ANKRD17: variants seen among roughly 807,000 people sequenced by gnomAD.
The protein encoded by ANKRD17 is ankyrin repeat domain-containing protein 17.
ANKRD17 carries 19 observed loss-of-function variants against 229.7 expected under a neutral mutation model. The ratio of observed to expected loss-of-function variants is 0.08; its 90% CI spans 0.06 to 0.12. The LOEUF is 0.12. Ranked by LOEUF, ANKRD17 falls within the 10% of genes least tolerant of loss-of-function variation. The pLI is 1.00. For missense variants in ANKRD17, 2,176 were observed against 3,176.8 expected (o/e 0.68, Z 7.57); for synonymous variants, 1,112 against 1,146.1 (o/e 0.97, Z 0.60).
chr4:73,132,240 G>A (rs976695261), intron 16 of ANKRD17, among the ~76,000 whole-genome samples: 9 of 151,622 alleles, frequency 5.9e-5, no homozygotes, highest in Admixed American at 2.6e-4. Context: ...TCCCAAATAG[G>A]TGGGATTACA....
chr4:73,096,885 C>A (rs1578032944), intron 27 of ANKRD17, among the ~76,000 whole-genome samples: 1 of 152,296 alleles, frequency 6.6e-6, no homozygotes, highest in East Asian at 1.9e-4. Flanking sequence ...CTGAGAAAGA[C>A]ACAATCTAAA....
Position 73,098,538 on chromosome 4 carries a change from C to T in ANKRD17, c.4574-18G>A, listed in dbSNP as rs1404056096. The T allele has an allele frequency of 1.3e-6, 2 of 1,599,774 alleles. No homozygotes were observed. The highest frequency in any genetic ancestry group is 3.5e-5 in the Admixed American group (2 of 57,514). ...AGGCTCATCTGTAAAAGTAGCAATA[C>T]TGAATTAGCAAGTTCTAAGTGTTCC... On this transcript the variant is annotated intron_variant, in intron 25 of 33. Transcript: ENST00000358602.
chr4:73,135,184 G>C lies in ANKRD17; in HGVS notation c.3167C>G (p.Thr1056Ser). Residue 1056 changes from threonine to serine, a missense_variant, in exon 16 of 34, where the codon ACT becomes AGT. Thr to Ser is a moderately conservative substitution (Grantham distance 58, BLOSUM62 1). This residue lies in a region of ANKRD17 where 230 missense variants were observed against 252.3 expected (regional missense o/e 0.91). Transcript: ENST00000358602. The stretch of plus-strand genomic sequence containing the variant: ...TGAAGGAGAGATGATAGGACTTGGA[G>C]TTGGAGTCTGAGGTTGGGAAATGGA... ...AASISQPQTP[T>S]PSPIISPSAM... 6.2e-7 allele frequency: 1 copy of C among 1,613,842 alleles called. No homozygotes were observed. The highest frequency in any genetic ancestry group is 1.1e-5 in the South Asian group (1 of 91,078).
intron 30 of ANKRD17, among the ~76,000 whole-genome samples, chr4:73,083,949 A>AC (rs1174254700): frequency 9.3e-5 from 14 of 149,826 alleles, no homozygotes; most frequent in African/African-American, 3.4e-4. Flanking sequence ...AAACAAAACA[A>AC]AAAAAAAAAA....
Position 73,078,623 on chromosome 4 carries a change from G to A in ANKRD17, c.7408+19C>T. On this transcript the variant is annotated intron_variant, in intron 31 of 33. Coordinates refer to ENST00000358602, the MANE Select transcript of ANKRD17 (RefSeq NM_032217.5). ...AATGCATTAAGTTAATTTCTAGAGA[G>A]CAGGACAGAATATCCTACCTTGATT... is the stretch of plus-strand genomic sequence containing the variant. The A allele has an allele frequency of 6.2e-7, 1 of 1,609,950 alleles. No individual in the cohort carries two copies. Among genetic ancestry groups the A allele is most frequent in the Non-Finnish European group, 8.5e-7 (1 of 1,176,966 alleles).
chr4:73,092,673 G>A (rs1435145285), intron 28 of ANKRD17, among the ~76,000 whole-genome samples: 2 of 152,034 alleles, frequency 1.3e-5, no homozygotes, highest in African/African-American at 2.4e-5. Context: ...CAATGTTATT[G>A]AAACATTTAA....
In ANKRD17 at chr4:73,144,838, TAAA is replaced by T. The variant is rs375888439; in HGVS notation, c.1870-9_1870-7del. ...CCACCTTCAGATTCATGTTCCTGTT[TAAA>T]AAAAAAAAAAAAGACTTGACATTTA... On this transcript the variant is annotated splice_region_variant and splice_polypyrimidine_tract_variant and intron_variant, in intron 10 of 33. Transcript: ENST00000358602. 3.6e-4 allele frequency: 485 copies of T among 1,336,328 alleles called. No individual in the cohort carries two copies. Among genetic ancestry groups the T allele is most frequent in the Admixed American group, 7.0e-4 (29 of 41,198 alleles). The allele number at this position is 1,336,328 out of a possible 1,614,324, so 82.8% of individuals were successfully genotyped here. A position where few individuals can be genotyped will look rare whatever the true frequency, so the allele number is the denominator to read the frequency against.
At chr4:73,080,237 C>T (rs371444593) in intron 30 of ANKRD17, among the ~76,000 whole-genome samples, 3 of 152,146 alleles carry the variant, frequency 2.0e-5, no homozygotes, top group African/African-American at 7.2e-5. Flanking sequence ...CAGTTGAATT[C>T]CAAATAAGCC....
intron 3 of ANKRD17, 131 bp downstream of exon 3, chr4:73,161,061 A>T (rs964537055): frequency 7.7e-6 from 9 of 1,161,404 alleles, no homozygotes; most frequent in Non-Finnish European, 9.5e-6. Flanking sequence ...GTGAATCTAA[A>T]TAAGACATCA....
Position 73,155,599 on chromosome 4 carries a change from T to C in ANKRD17, c.1000+32A>G, listed in dbSNP as rs185433558. 233 of 1,609,916 alleles carry C rather than the reference T, an allele frequency of 1.4e-4. 1 individual carries two copies. Among genetic ancestry groups the C allele is most frequent in the Non-Finnish European group, 1.8e-4 (213 of 1,176,966 alleles). ...TCATTATTACCAAATGATGTTACTATGTAGTAAAACTGAAAAAGAAATAGG... is the reference window on the plus strand; with the variant it reads ...TCATTATTACCAAATGATGTTACTACGTAGTAAAACTGAAAAAGAAATAGG... On this transcript the variant is annotated intron_variant, in intron 5 of 33. Coordinates refer to ENST00000358602, the MANE Select transcript of ANKRD17 (RefSeq NM_032217.5).
rs1308126606 is a variant in ANKRD17, at chr4:73,121,767, T to A, written c.3493-8A>T. ...TAACAATAGCTCCACCACCTGAAAA[T>A]AAAATAGAAAAAAATATGTTTTCTT... On this transcript the variant is annotated splice_region_variant and splice_polypyrimidine_tract_variant and intron_variant, in intron 18 of 33. Coordinates refer to ENST00000358602, the MANE Select transcript of ANKRD17 (RefSeq NM_032217.5). The A allele has an allele frequency of 1.9e-6, 3 of 1,571,570 alleles. No homozygotes were observed. The highest frequency in any genetic ancestry group is 2.8e-5 in the African/African-American group (2 of 72,376).
At chr4:73,204,098 G>A (rs1230774670) in intron 1 of ANKRD17, among the ~76,000 whole-genome samples, 4 of 151,576 alleles carry the variant, frequency 2.6e-5, no homozygotes, top group Non-Finnish European at 4.4e-5. Context: ...GGTGGCTCAC[G>A]CCTGTAATAC....
chr4:73,167,300 A>C (rs1310089451), intron 2 of ANKRD17, among the ~76,000 whole-genome samples: 4 of 152,190 alleles, frequency 2.6e-5, no homozygotes, highest in East Asian at 3.9e-4. Context: ...AAAGTGAAAG[A>C]GAGGTGGAGA....
intron 2 of ANKRD17, among the ~76,000 whole-genome samples, chr4:73,165,750 G>C (rs1306649774): frequency 3.9e-5 from 6 of 152,198 alleles, no homozygotes; most frequent in Admixed American, 1.3e-4. Flanking sequence ...AAGGAAGTCA[G>C]AGATTAAAAG....
At chr4:73,202,556 C>T (rs1406988277) in intron 1 of ANKRD17, among the ~76,000 whole-genome samples, 1 of 152,086 alleles carries the variant, frequency 6.6e-6, no homozygotes, top group Non-Finnish European at 1.5e-5. Flanking sequence ...TCATTGAACA[C>T]ATAGGTATTT....
Position 73,091,782 on chromosome 4 carries a change from T to C in ANKRD17, c.5846A>G (p.His1949Arg). The C allele has an allele frequency of 1.9e-6, 3 of 1,614,212 alleles. No homozygotes were observed. Among genetic ancestry groups the C allele is most frequent in the Non-Finnish European group, 2.5e-6 (3 of 1,180,042 alleles). Residue 1949 changes from histidine to arginine, a missense_variant, in exon 29 of 34, where the codon CAT (histidine) becomes CGT (arginine). By Grantham distance (29) the His-to-Arg change is conservative (BLOSUM62 0). Coordinates refer to ENST00000358602, the MANE Select transcript of ANKRD17 (RefSeq NM_032217.5). ...AGAACCACTGCTATTCTGATTGCTA[T>C]GGCGAGGCACCATGTGAGGCTTAGG... ...NSPKPHMVPR[H>R]SNQNSSGSQV...
intron 2 of ANKRD17, among the ~76,000 whole-genome samples, chr4:73,168,032 G>A (rs1347257265): frequency 6.6e-6 from 1 of 152,038 alleles, no homozygotes; most frequent in Non-Finnish European, 1.5e-5. Context: ...GACGCCTGTA[G>A]TCCCAGCTAC....
chr4:73,166,698 G>C (rs1198032398), intron 2 of ANKRD17, among the ~76,000 whole-genome samples: 1 of 147,966 alleles, frequency 6.8e-6, no homozygotes, highest in Non-Finnish European at 1.5e-5. Flanking sequence ...ACAACACACA[G>C]AAGCACAACT....
chr4:73,234,987 T>C (rs1039458962), intron 1 of ANKRD17, among the ~76,000 whole-genome samples: 3 of 152,184 alleles, frequency 2.0e-5, no homozygotes, highest in East Asian at 1.9e-4. Context: ...TTACCTCTGT[T>C]ATCTTGGGTT....
Sources: gnomAD v4.1 joint callset for allele counts (sites outside exome capture counted in the v4.1 genomes callset) on GRCh38, gnomAD v4.1.1 for gene constraint, gnomAD v4.1.1 regional missense constraint, MANE v1.5 for transcripts, NCBI Gene and HGNC (gene_info 2026-07-23, HGNC 2026-07-21) for gene names.